CNTNAP5: variants seen among roughly 807,000 people sequenced by gnomAD.
The protein encoded by CNTNAP5 is contactin associated protein family member 5, also known as contactin-associated protein-like 5.
A neutral mutation model predicts 150.2 loss-of-function variants in CNTNAP5; 72 were observed. The ratio of observed to expected loss-of-function variants is 0.48; its 90% CI spans 0.40 to 0.58. CNTNAP5 has a LOEUF of 0.58. CNTNAP5 is among the 20% of genes least tolerant of loss of function. CNTNAP5 has a pLI of 0.00. For missense variants in CNTNAP5, 1,636 were observed against 1,626.2 expected, an observed-to-expected ratio of 1.01 and a Z score of -0.10; for synonymous variants, 672 against 619.8, an observed-to-expected ratio of 1.08 and a Z score of -1.25.
At chr2:124,812,909 C>G (rs1489124432) in intron 19 of CNTNAP5, among the ~76,000 whole-genome samples, 1 of 152,118 alleles carries the variant, frequency 6.6e-6, no homozygotes, top group Non-Finnish European at 1.5e-5. Flanking sequence ...CAGAATAAAT[C>G]TCTTCAAATA....
At chr2:124,809,432 G>T (rs190578260) in intron 19 of CNTNAP5, among the ~76,000 whole-genome samples, 3 of 144,648 alleles carry the variant, frequency 2.1e-5, no homozygotes, top group Non-Finnish European at 4.5e-5. Flanking sequence ...ATTAAGAAAC[G>T]GAGTCTCTCT....
At chr2:124,553,698 T>C (rs1484420107) in intron 10 of CNTNAP5, among the ~76,000 whole-genome samples, 6 of 152,162 alleles carry the variant, frequency 3.9e-5, no homozygotes. Flanking sequence ...GTTTAGGGAA[T>C]TTGGGTGAAC....
chr2:124,479,319 C>G (rs1314544387), intron 7 of CNTNAP5, among the ~76,000 whole-genome samples: 2 of 152,188 alleles, frequency 1.3e-5, no homozygotes, highest in East Asian at 3.9e-4. Flanking sequence ...AGAAATGATG[C>G]TTTTTTTGAG....
At chr2:124,611,268 G>A (rs1380826176) in intron 12 of CNTNAP5, among the ~76,000 whole-genome samples, 2 of 152,182 alleles carry the variant, frequency 1.3e-5, no homozygotes, top group Admixed American at 1.3e-4. Flanking sequence ...GAACACTACC[G>A]TGAGGTATCT....
intron 3 of CNTNAP5, among the ~76,000 whole-genome samples, chr2:124,313,155 ACAGT>A (rs1573909451): frequency 1.3e-5 from 2 of 152,230 alleles, no homozygotes; most frequent in East Asian, 1.9e-4. Context: ...TCGATATGTA[ACAGT>A]CACTCAGGCT....
intron 1 of CNTNAP5, among the ~76,000 whole-genome samples, chr2:124,205,400 A>G (rs911510107): frequency 3.1e-4 from 47 of 151,986 alleles, no homozygotes; most frequent in African/African-American, 9.9e-4. Flanking sequence ...TGTGTCAATT[A>G]AAGTTGTTTT....
chr2:124,117,588 G>T (rs190476947), intron 1 of CNTNAP5, among the ~76,000 whole-genome samples: 1 of 152,120 alleles, frequency 6.6e-6, no homozygotes, highest in Non-Finnish European at 1.5e-5. Context: ...AATTTAATGA[G>T]TACTTAACAC....
chr2:124,171,148 C>T (rs958012429), intron 1 of CNTNAP5, among the ~76,000 whole-genome samples: 6 of 152,122 alleles, frequency 3.9e-5, no homozygotes, highest in Admixed American at 2.0e-4. Context: ...GTTACAGCAG[C>T]GATATAAAAT....
chr2:124,559,748 AG>A (rs1695843355), intron 10 of CNTNAP5, among the ~76,000 whole-genome samples: 1 of 152,206 alleles, frequency 6.6e-6, no homozygotes, highest in Non-Finnish European at 1.5e-5. Flanking sequence ...AGCTGATTAA[AG>A]AATGTGGAAA....
At chr2:124,040,001 T>G (rs1368910718) in intron 1 of CNTNAP5, among the ~76,000 whole-genome samples, 1 of 152,232 alleles carries the variant, frequency 6.6e-6, no homozygotes, top group Non-Finnish European at 1.5e-5. Flanking sequence ...AGGTCAATAT[T>G]GACTTAGGTG....
intron 3 of CNTNAP5, among the ~76,000 whole-genome samples, chr2:124,307,994 A>G (rs1028081531): frequency 1.3e-5 from 2 of 152,184 alleles, no homozygotes; most frequent in East Asian, 1.9e-4. Context: ...CACCGCTCTG[A>G]AAGTCTGAGT....
chr2:124,318,111 G>A (rs1321352583), intron 3 of CNTNAP5, among the ~76,000 whole-genome samples: 1 of 152,138 alleles, frequency 6.6e-6, no homozygotes, highest in Non-Finnish European at 1.5e-5. Flanking sequence ...GAGAGGAAAG[G>A]AGTTGCAGTC....
intron 3 of CNTNAP5, among the ~76,000 whole-genome samples, chr2:124,341,541 G>A (rs1305359366): frequency 3.9e-5 from 6 of 152,146 alleles, no homozygotes; most frequent in Non-Finnish European, 8.8e-5. Context: ...CTGGGACTAG[G>A]TTGGTCCAAT....
intron 1 of CNTNAP5, among the ~76,000 whole-genome samples, chr2:124,043,859 CTT>C (rs1681457044): frequency 6.6e-6 from 1 of 152,200 alleles, no homozygotes; most frequent in Non-Finnish European, 1.5e-5. Context: ...AAATCAGTCT[CTT>C]TACTTTTTTC....
At chr2:124,470,288 T>C (rs1418918225) in intron 6 of CNTNAP5, among the ~76,000 whole-genome samples, 1 of 152,198 alleles carries the variant, frequency 6.6e-6, no homozygotes, top group Non-Finnish European at 1.5e-5. Context: ...TGGTATCTCA[T>C]TGTGGTTTTC....
chr2:124,074,596 A>AG (rs34671868), intron 1 of CNTNAP5, among the ~76,000 whole-genome samples: 1 of 152,128 alleles, frequency 6.6e-6, no homozygotes, highest in Non-Finnish European at 1.5e-5. Context: ...AAATGGGACC[A>AG]GGGGAACCCT....
intron 1 of CNTNAP5, among the ~76,000 whole-genome samples, chr2:124,059,252 A>G (rs1465132550): frequency 6.6e-6 from 1 of 152,164 alleles, no homozygotes; most frequent in Non-Finnish European, 1.5e-5. Flanking sequence ...GCCTCACTAG[A>G]TTTGTTTGTA....
chr2:124,502,695 TG>T (rs1288124282), intron 7 of CNTNAP5, among the ~76,000 whole-genome samples: 2 of 152,226 alleles, frequency 1.3e-5, no homozygotes, highest in Non-Finnish European at 2.9e-5. Flanking sequence ...TCATTGGTGA[TG>T]TTTTTATTCT....
intron 3 of CNTNAP5, among the ~76,000 whole-genome samples, chr2:124,281,652 A>C (rs1688014353): frequency 1.3e-5 from 2 of 152,180 alleles, no homozygotes; most frequent in Admixed American, 6.6e-5. Context: ...CAACTTGAGG[A>C]AACTTGGCAA....
Sources: allele counts gnomAD v4.1 joint callset (sites outside exome capture counted in the v4.1 genomes callset), GRCh38; gene constraint gnomAD v4.1.1; transcripts MANE v1.5; gene names NCBI Gene and HGNC (gene_info 2026-07-23, HGNC 2026-07-21).